Variants in MMS19 observed in about 807,000 individuals in gnomAD.
MMS19 encodes MMS19 nucleotide excision repair protein homolog.
MMS19 carries 77 observed loss-of-function variants against 129.8 expected under a neutral mutation model. The ratio of observed to expected loss-of-function variants is 0.59; its 90% confidence interval spans 0.49 to 0.72. MMS19 has a LOEUF of 0.72. Ranked by LOEUF, MMS19 falls within the 30% of genes least tolerant of loss-of-function variation. The probability of loss-of-function intolerance (pLI) is 0.00; values close to 1 mark genes in which losing one functional copy is unlikely to be tolerated. For synonymous variants in MMS19, 491 were observed against 502.8 expected (o/e 0.98, Z 0.31); for missense variants, 1,168 against 1,266.3 (o/e 0.92, Z 1.18).
At chr10:97,468,919 G>C (rs768828094) in intron 12 of MMS19, 47 bp downstream of exon 12, 1 of 1,552,176 alleles carries the variant, frequency 6.4e-7, no homozygotes, top group South Asian at 1.2e-5. Context: ...AAGGAATGTC[G>C]TTTCTATTGT....
At chr10:97,498,776 T>C (rs17112841), upstream of MMS19, 59,681 of 255,566 alleles carry the variant, frequency 0.23, 7,691 homozygotes, top group East Asian at 0.49. Flanking sequence ...GGGCGGGTGG[T>C]GGCGGCGGCG....
rs2040194464 is a variant in MMS19, at chr10:97,498,320, TC to T, written c.64del (p.Asp22ThrfsTer18). ...GCCCTCTTGCTGACCCACGACGAAG[TC>T]GTGCACGAGGCCCCATAGGGCACCC... is the stretch of plus-strand genomic sequence containing the variant. Reference protein sequence around the residue: ...PMGALWGLVHDFVVGQQEGPA... With the variant: ...PMGALWGLVHXFVVGQQEGPA... On this transcript the variant is annotated frameshift_variant, in exon 1 of 31. Transcript: ENST00000438925. LOFTEE classifies it high-confidence loss of function. 6.4e-7 allele frequency: 1 copy of T among 1,574,264 alleles called. No homozygotes were observed. Among genetic ancestry groups the T allele is most frequent in the African/African-American group, 1.3e-5 (1 of 74,214 alleles).
At chr10:97,478,176 C>T (rs980284051) in intron 4 of MMS19, 128 bp downstream of exon 4, 3 of 751,724 alleles carry the variant, frequency 4.0e-6, no homozygotes, top group Admixed American at 2.4e-5. Flanking sequence ...GAGCTGGTAA[C>T]ACTAATTTAG....
chr10:97,498,442 G>A, upstream of MMS19: 1 of 1,541,788 alleles, frequency 6.5e-7, no homozygotes, highest in Admixed American at 2.0e-5. Flanking sequence ...CGGGCTCTCC[G>A]CGCATGCGCC....
chr10:97,494,895 TG>T (rs2039513156), intron 1 of MMS19, among the ~76,000 whole-genome samples: 1 of 152,212 alleles, frequency 6.6e-6, no homozygotes, highest in South Asian at 2.1e-4. Flanking sequence ...CAGTTTTTAT[TG>T]TGTACCTACT....
chr10:97,464,767 G>A (rs1158547418), intron 18 of MMS19, among the ~76,000 whole-genome samples: 4 of 150,888 alleles, frequency 2.7e-5, no homozygotes, highest in African/African-American at 4.9e-5. Context: ...GAGCGATCTC[G>A]GCTTGCTCCA....
intron 1 of MMS19, among the ~76,000 whole-genome samples, chr10:97,484,713 C>T (rs1327156958): frequency 1.3e-5 from 2 of 152,108 alleles, no homozygotes; most frequent in Non-Finnish European, 2.9e-5. Flanking sequence ...GTCAGGAGAT[C>T]GAGACCATCC....
In MMS19 at chr10:97,458,488, C is replaced by T. The variant is rs941094224; in HGVS notation, c.*204G>A. ...TAGATCTTTCTTCAAACGCAAGTGT[C>T]TCACACACACTTATTTTACAAATCC... On this transcript the variant is annotated 3_prime_UTR_variant, in exon 31 of 31. Transcript: ENST00000438925. 5 of 591,056 alleles carry T rather than the reference C, an allele frequency of 8.5e-6. No individual in the cohort carries two copies. In the African/African-American group the frequency reaches 9.3e-5, roughly 11 times the overall value. 36.6% of individuals were successfully genotyped at this position (591,056 alleles called of 1,614,324 possible).
At chr10:97,465,009 CT>C (rs910487575) in intron 18 of MMS19, among the ~76,000 whole-genome samples, 11 of 146,382 alleles carry the variant, frequency 7.5e-5, no homozygotes, top group South Asian at 2.2e-4. Flanking sequence ...CAGCCCGGCA[CT>C]TTTTTTTTTC....
intron 19 of MMS19, among the ~76,000 whole-genome samples, chr10:97,463,203 GCT>G (rs1171876739): frequency 1.5e-5 from 2 of 137,326 alleles, no homozygotes; most frequent in African/African-American, 5.5e-5. Flanking sequence ...ACAGGATCTC[GCT>G]CTGTCACCCA....
chr10:97,476,601 G>GT, intron 8 of MMS19, 82 bp downstream of exon 8: 1 of 1,327,350 alleles, frequency 7.5e-7, no homozygotes, highest in Non-Finnish European at 1.1e-6. Context: ...TTGGTGACCT[G>GT]TACCCTCAGT....
intron 18 of MMS19, 21 bp downstream of exon 18, chr10:97,465,784 G>A (rs769428560): frequency 6.2e-7 from 1 of 1,606,284 alleles, no homozygotes; most frequent in South Asian, 1.1e-5. Flanking sequence ...CAGTCCGTTG[G>A]TGGTTATTCC....
chr10:97,468,524 AT>A (rs2034000547), intron 12 of MMS19, 118 bp from the exon 13 acceptor site: 1 of 978,090 alleles, frequency 1.0e-6, no homozygotes, highest in African/African-American at 1.7e-5. Flanking sequence ...TAACACTCAA[AT>A]TGTTTTCAAT....
chr10:97,489,947 A>G (rs1440696427), intron 1 of MMS19, among the ~76,000 whole-genome samples: 1 of 152,196 alleles, frequency 6.6e-6, no homozygotes, highest in African/African-American at 2.4e-5. Context: ...TGGTTAAGGT[A>G]TGTCTGCCAG....
chr10:97,493,702 G>C lies in MMS19; in HGVS notation c.112+4571C>G, dbSNP rs1041213244. On this transcript the variant is annotated intron_variant, in intron 1 of 30. Coordinates refer to ENST00000438925, the MANE Select transcript of MMS19 (RefSeq NM_022362.5). The stretch of plus-strand genomic sequence containing the variant: ...ACTTTAAGTGATTAATTCTTTTAAT[G>C]GTGCAAATTATCCAAAATTAAAAAT... 3.9e-5 allele frequency among the ~76,000 whole-genome samples: 6 copies of C among 152,092 alleles called. No individual in the cohort carries two copies. In the South Asian group the frequency reaches 1.2e-3, roughly 31 times the overall value.
intron 9 of MMS19, 125 bp downstream of exon 9, chr10:97,470,650 A>G (rs1237353525): frequency 3.2e-6 from 2 of 616,850 alleles, no homozygotes; most frequent in African/African-American, 1.9e-5. Context: ...CTGCCACACA[A>G]GACACTTGCA....
At chr10:97,479,329 T>C (rs2036334480) in intron 3 of MMS19, among the ~76,000 whole-genome samples, 1 of 152,172 alleles carries the variant, frequency 6.6e-6, no homozygotes, top group African/African-American at 2.4e-5. Context: ...AAACTCCAAA[T>C]GGTACTGTAA....
At chr10:97,476,074 A>C (rs2035702071) in intron 8 of MMS19, among the ~76,000 whole-genome samples, 1 of 152,222 alleles carries the variant, frequency 6.6e-6, no homozygotes, top group Admixed American at 6.5e-5. Flanking sequence ...CTTGCAGCAC[A>C]CACACCCACA....
At chr10:97,464,998 C>G (rs923787622) in intron 18 of MMS19, among the ~76,000 whole-genome samples, 19 of 151,792 alleles carry the variant, frequency 1.3e-4, no homozygotes, top group Admixed American at 3.3e-4. Flanking sequence ...GCCACCACAC[C>G]CAGCCCGGCA....
Sources: gnomAD v4.1 joint callset for allele counts (sites outside exome capture counted in the v4.1 genomes callset) on GRCh38, gnomAD v4.1.1 for gene constraint, MANE v1.5 for transcripts, NCBI Gene and HGNC (gene_info 2026-07-23, HGNC 2026-07-21) for gene names.